The following KPNB1 variants were observed in gnomAD, a reference collection of about 807,000 sequenced individuals.
The protein encoded by KPNB1 is importin subunit beta-1.
A neutral mutation model predicts 113.0 loss-of-function variants in KPNB1; 7 were observed. The ratio of observed to expected loss-of-function variants is 0.06; its 90% CI spans 0.04 to 0.12. KPNB1 has a LOEUF of 0.12. Ranked by LOEUF, KPNB1 falls within the 10% of genes least tolerant of loss-of-function variation. The pLI, the probability that KPNB1 is intolerant of heterozygous loss-of-function variation, is 1.00. For missense variants in KPNB1, 400 were observed against 1,054.8 expected (o/e 0.38, Z 8.60); for synonymous variants, 363 against 378.6 (o/e 0.96, Z 0.48).
At chr17:47,667,712 C>A (rs1188021819) in intron 9 of KPNB1, among the ~76,000 whole-genome samples, 2 of 151,756 alleles carry the variant, frequency 1.3e-5, no homozygotes, top group Non-Finnish European at 1.5e-5. Flanking sequence ...CACGTGCCAC[C>A]ACACCCAGCT....
intron 13 of KPNB1, 117 bp from the exon 14 acceptor site, chr17:47,673,373 T>C (rs1448276635): frequency 8.4e-6 from 8 of 957,656 alleles, no homozygotes; most frequent in East Asian, 2.5e-5. Context: ...ATATGTATTA[T>C]GGGTTTTTTG....
Position 47,678,188 on chromosome 17 carries a change from A to G in KPNB1, c.2246A>G (p.Lys749Arg), listed in dbSNP as rs1163473237. 6.2e-7 allele frequency: 1 copy of G among 1,614,136 alleles called. No individual in the cohort carries two copies. ...CAGGCCTCCCAAGCCCAGGTGGACA[A>G]GGTAAGCTTAAAGCTATCTTGGCTG... is the stretch of plus-strand genomic sequence containing the variant. ...LQQASQAQVD[K>R]SDYDMVDYLN... is the part of the protein sequence containing the mutation. Residue 749 changes from lysine to arginine, a missense_variant and splice_region_variant, in exon 18 of 22, where the codon AAG (lysine) becomes AGG (arginine). Transcript: ENST00000290158.
At chr17:47,652,938 C>A (rs1157420650) in intron 3 of KPNB1, 62 bp downstream of exon 3, 5 of 1,332,012 alleles carry the variant, frequency 3.8e-6, no homozygotes, top group South Asian at 1.5e-5. Context: ...TTTCTCAGAT[C>A]TTTTGCTATT....
In KPNB1 at chr17:47,673,054, A is replaced by G. The variant is rs779608185; in HGVS notation, c.1584A>G (p.Ala528=). 2 of 1,614,100 alleles carry G rather than the reference A, an allele frequency of 1.2e-6. No homozygotes were observed. Among genetic ancestry groups the G allele is most frequent in the East Asian group, 2.2e-5 (1 of 44,880 alleles). Residue 528 remains alanine (A), a synonymous_variant, in exon 13 of 22, where the codon GCA becomes GCG. Transcript: ENST00000290158. ...ACCAGAACAACCTGAGGAGTTCTGCATATGAATCTCTGATGGAAATTGTGA... is the reference window on the plus strand; with the variant it reads ...ACCAGAACAACCTGAGGAGTTCTGCGTATGAATCTCTGATGGAAATTGTGA... The part of the protein sequence containing the change: ...DGHQNNLRSS[A]YESLMEIVKN...
At chr17:47,677,849 T>C (rs572320888) in intron 17 of KPNB1, among the ~76,000 whole-genome samples, 197 bp from the exon 18 acceptor site, 4 of 152,198 alleles carry the variant, frequency 2.6e-5, no homozygotes, top group African/African-American at 4.8e-5. Context: ...AGTCTCCTCA[T>C]GTGTAAAGTG....
At position 47,649,926 on chromosome 17, in the gene KPNB1, T is replaced by G. The variant is rs1567885029; in HGVS notation, c.-319T>G. 4.7e-6 allele frequency: 6 copies of G among 1,274,634 alleles called. No homozygotes were observed. Among genetic ancestry groups the G allele is most frequent in the Non-Finnish European group, 5.9e-6 (6 of 1,010,988 alleles). The allele number at this position is 1,274,634 out of a possible 1,614,324, so 79.0% of individuals were successfully genotyped here. A position where few individuals can be genotyped will look rare whatever the true frequency, so the allele number is the denominator to read the frequency against. On this transcript the variant is annotated 5_prime_UTR_variant, in exon 1 of 22. Coordinates refer to ENST00000290158, the MANE Select transcript of KPNB1 (RefSeq NM_002265.6). ...CTTCCTCCCTCCCTCGCTCCCTCCC[T>G]GCGCGCCGCCTCTCACTCACAGCCT... is the stretch of plus-strand genomic sequence containing the variant.
chr17:47,682,536 A>G lies in KPNB1; in HGVS notation c.*132A>G. The G allele has an allele frequency of 2.8e-6, 2 of 711,206 alleles. No homozygotes were observed. Among genetic ancestry groups the G allele is most frequent in the Admixed American group, 4.1e-5 (2 of 48,940 alleles). 44.1% of individuals were successfully genotyped at this position (711,206 alleles called of 1,614,324 possible). On this transcript the variant is annotated 3_prime_UTR_variant, in exon 22 of 22. Transcript: ENST00000290158. ...AGAGGATGAGTGAGTGAGGCTTGAAAACACACCACATTGAAAATCCTGCCA... is the reference window on the plus strand; with the variant it reads ...AGAGGATGAGTGAGTGAGGCTTGAAGACACACCACATTGAAAATCCTGCCA...
intron 17 of KPNB1, among the ~76,000 whole-genome samples, chr17:47,677,332 C>T (rs931438155): frequency 2.0e-5 from 3 of 151,768 alleles, no homozygotes; most frequent in Admixed American, 1.3e-4. Context: ...ATTAGCCGGG[C>T]GTGATGGCAG....
intron 15 of KPNB1, among the ~76,000 whole-genome samples, chr17:47,675,324 G>T (rs571736964): frequency 6.6e-6 from 1 of 150,466 alleles, no homozygotes; most frequent in Admixed American, 6.7e-5. Flanking sequence ...CCATTTAAAT[G>T]GGGAGCCAGT....
chr17:47,650,469 T>C (rs751900467), intron 2 of KPNB1, 25 bp downstream of exon 2: 3 of 1,586,044 alleles, frequency 1.9e-6, no homozygotes, highest in Non-Finnish European at 2.6e-6. Flanking sequence ...GCCGCGCCCA[T>C]CCCGCCGCGT....
chr17:47,680,755 C>A, intron 21 of KPNB1, 86 bp downstream of exon 21: 1 of 1,329,102 alleles, frequency 7.5e-7, no homozygotes, highest in Non-Finnish European at 1.0e-6. Context: ...GCAAGCACTG[C>A]CTTCTGGCAT....
chr17:47,677,472 CAAAAA>C (rs746941632), intron 17 of KPNB1, among the ~76,000 whole-genome samples: 11 of 53,262 alleles, frequency 2.1e-4, no homozygotes, highest in Non-Finnish European at 8.1e-5. Context: ...AACTCCGTCT[CAAAAA>C]AAAAAAAAAA....
intron 14 of KPNB1, 190 bp downstream of exon 14, chr17:47,673,751 T>C (rs1318113033): frequency 1.7e-6 from 1 of 586,078 alleles, no homozygotes; most frequent in Non-Finnish European, 3.1e-6. Context: ...CCTGTCTGTC[T>C]AGAAAGATTC....
chr17:47,661,181 A>ACG lies in KPNB1; in HGVS notation c.696+3_696+4insCG. On this transcript the variant is annotated splice_donor_region_variant and intron_variant, in intron 6 of 21. Coordinates refer to ENST00000290158, the MANE Select transcript of KPNB1 (RefSeq NM_002265.6). Reference sequence around the variant, plus strand: ...CCACACAGTGTCCAGATACGAGGGTAAGTGTGAGGTTATATGAAAAATCTG... The same window carrying ACG: ...CCACACAGTGTCCAGATACGAGGGTACGAGTGTGAGGTTATATGAAAAATCTG... 6.2e-7 allele frequency: 1 copy of ACG among 1,608,896 alleles called. No homozygotes were observed. The highest frequency in any genetic ancestry group is 8.5e-7 in the Non-Finnish European group (1 of 1,175,176).
At chr17:47,673,624 C>A in intron 14 of KPNB1, 63 bp downstream of exon 14, 3 of 1,252,446 alleles carry the variant, frequency 2.4e-6, no homozygotes, top group Admixed American at 1.7e-5. Flanking sequence ...CTCAGTATAA[C>A]AAGTTCGTGT....
intron 4 of KPNB1, among the ~76,000 whole-genome samples, chr17:47,657,492 A>G (rs1391513911): frequency 6.6e-6 from 1 of 152,162 alleles, no homozygotes; most frequent in Non-Finnish European, 1.5e-5. Context: ...CCCCCCCAGC[A>G]CTGTTGTTCC....
In KPNB1 at chr17:47,673,187, G is replaced by A. The variant is rs1269674599; in HGVS notation, c.1695+22G>A. On this transcript the variant is annotated intron_variant, in intron 13 of 21. Coordinates refer to ENST00000290158, the MANE Select transcript of KPNB1 (RefSeq NM_002265.6). ...GGAGGTGAGACCTAAGAGTGCCCCT[G>A]ACTATGGGTGGGAATTGGGTAGTAC... The A allele has an allele frequency of 1.9e-6, 3 of 1,612,450 alleles. No individual in the cohort carries two copies. The East Asian group carries it at 6.7e-5, about 36-fold the overall frequency.
Position 47,650,300 on chromosome 17 carries a change from C to CG in KPNB1, c.40+21dup. On this transcript the variant is annotated intron_variant, in intron 1 of 21. Transcript: ENST00000290158. ...GTGTCTCCCGGTAGGACGCAGGAGC[C>CG]GGGGGTAGGGCTGAGGTGATTGGGG... is the stretch of plus-strand genomic sequence containing the variant. The CG allele has an allele frequency of 6.2e-7, 1 of 1,603,750 alleles. No homozygotes were observed. Among genetic ancestry groups the CG allele is most frequent in the Non-Finnish European group, 8.5e-7 (1 of 1,173,924 alleles).
intron 6 of KPNB1, among the ~76,000 whole-genome samples, chr17:47,662,576 C>CAA (rs777358811): frequency 4.9e-5 from 6 of 121,730 alleles, no homozygotes; most frequent in Admixed American, 8.5e-5. Flanking sequence ...AAGACTGTCT[C>CAA]AAAAAAAAAA....
Sources: gnomAD v4.1 joint callset for allele counts (sites outside exome capture counted in the v4.1 genomes callset) on GRCh38, gnomAD v4.1.1 for gene constraint, MANE v1.5 for transcripts, NCBI Gene and HGNC (gene_info 2026-07-23, HGNC 2026-07-21) for gene names.